The following UTRN variants were observed in gnomAD, a reference collection of about 807,000 sequenced individuals.
The protein encoded by UTRN is utrophin, also known as dystrophin-related protein 1.
A neutral mutation model predicts 463.9 loss-of-function variants in UTRN; 283 were observed. The observed-to-expected ratio is 0.61, with a 90% CI of 0.55 to 0.67. The LOEUF is 0.67. UTRN is among the 30% of genes least tolerant of loss of function. The pLI is 0.00. For synonymous variants in UTRN, 1,442 were observed against 1,431.5 expected, an observed-to-expected ratio of 1.01 and a Z score of -0.17; for missense variants, 3,922 against 4,084.3, an observed-to-expected ratio of 0.96 and a Z score of 1.08.
chr6:144,451,250 T>G, intron 17 of UTRN, 120 bp from the exon 18 acceptor site: 2 of 1,174,300 alleles, frequency 1.7e-6, no homozygotes, highest in Non-Finnish European at 2.3e-6. Flanking sequence ...TCTGGGTTGC[T>G]GTTTTTGGGG....
At chr6:144,320,797 G>A (rs986532867) in intron 2 of UTRN, among the ~76,000 whole-genome samples, 16 of 152,222 alleles carry the variant, frequency 1.1e-4, no homozygotes, top group African/African-American at 3.9e-4. Context: ...GGTTGAAGAT[G>A]AACTAGCATG....
rs188003887 is a variant in UTRN at position 144,667,138 on chromosome 6, T to G, written c.7480-11268T>G. ...GGCACCATCTCAGCTCACTGCAGCC[T>G]TTGCCTCCAGGGCTCAAGTGATTCT... is the stretch of plus-strand genomic sequence containing the variant. On this transcript the variant is annotated intron_variant, in intron 51 of 74. Coordinates refer to ENST00000367545, the MANE Select transcript of UTRN (RefSeq NM_007124.3). Among the ~76,000 whole-genome samples, 31 of 152,224 alleles carry G rather than the reference T, an allele frequency of 2.0e-4. 1 individual carries two copies. The highest frequency in any genetic ancestry group is 1.4e-3 in the Admixed American group (21 of 15,282).
intron 51 of UTRN, among the ~76,000 whole-genome samples, chr6:144,626,675 G>C (rs117803119): frequency 0.011 from 1,704 of 152,166 alleles, 10 homozygotes; most frequent in Non-Finnish European, 0.019. Context: ...GTCTCGCTCT[G>C]TCGCCCAGGC....
chr6:144,574,000 A>G (rs142468269), intron 50 of UTRN, among the ~76,000 whole-genome samples: 69 of 152,358 alleles, frequency 4.5e-4, no homozygotes, highest in Non-Finnish European at 7.3e-4. Context: ...ATATTCTGGA[A>G]GAGGTAGTCC....
intron 15 of UTRN, 119 bp downstream of exon 15, chr6:144,447,437 G>A (rs932203159): frequency 7.1e-6 from 9 of 1,269,142 alleles, no homozygotes; most frequent in Middle Eastern, 1.9e-4. Context: ...GCATTAGACT[G>A]CTGCCCTGTA....
At position 144,554,776 on chromosome 6, in the gene UTRN, T is replaced by A. The variant is rs769396367; in HGVS notation, c.7017T>A (p.Leu2339=). The A allele has an allele frequency of 1.2e-6, 2 of 1,613,934 alleles. No individual in the cohort carries two copies. The highest frequency in any genetic ancestry group is 3.3e-5 in the Admixed American group (2 of 59,994). Residue 2339 remains leucine (L), a synonymous_variant, in exon 49 of 75, where the codon CTT becomes CTA. Coordinates refer to ENST00000367545, the MANE Select transcript of UTRN (RefSeq NM_007124.3). ...TTGAGGACATGATTATTGACAGTCTTCAGTGGGATGACCATAGGGAGGAGA... is the reference window on the plus strand; with the variant it reads ...TTGAGGACATGATTATTGACAGTCTACAGTGGGATGACCATAGGGAGGAGA... ...QQLEDMIIDS[L]QWDDHREETE... is the part of the protein sequence containing the mutation.
rs1554339291 is a variant in UTRN, at chr6:144,690,074, G to GTTTTTTTTT, written c.7653-9999_7653-9991dup. The stretch of plus-strand genomic sequence containing the variant: ...GGCCATAGAGCTCCCAAAAGTTTCT[G>GTTTTTTTTT]TTTTTTTTTTTTTTTTTTTTTTGTG... On this transcript the variant is annotated intron_variant, in intron 52 of 74. Coordinates refer to ENST00000367545, the MANE Select transcript of UTRN (RefSeq NM_007124.3). 1.1e-3 allele frequency among the ~76,000 whole-genome samples: 35 copies of GTTTTTTTTT among 31,278 alleles called. 13 individuals are homozygous for GTTTTTTTTT. The highest frequency in any genetic ancestry group is 6.8e-3 in the East Asian group (3 of 444). The allele number at this position is 31,278 out of a possible 152,430, so 20.5% of individuals were successfully genotyped here. A position where few individuals can be genotyped will look rare whatever the true frequency, so the allele number is the denominator to read the frequency against.
chr6:144,300,610 A>G (rs1805151085), intron 2 of UTRN, among the ~76,000 whole-genome samples: 1 of 152,178 alleles, frequency 6.6e-6, no homozygotes, highest in African/African-American at 2.4e-5. Context: ...GCTTCTTTGT[A>G]TATCATTGTG....
intron 2 of UTRN, among the ~76,000 whole-genome samples, chr6:144,373,620 T>C (rs1254243859): frequency 1.3e-5 from 2 of 152,198 alleles, no homozygotes; most frequent in Non-Finnish European, 1.5e-5. Context: ...GTGCATACAG[T>C]AAAAAACCAC....
At chr6:144,511,587 T>C (rs1408889242) in intron 35 of UTRN, among the ~76,000 whole-genome samples, 1 of 152,234 alleles carries the variant, frequency 6.6e-6, no homozygotes, top group Non-Finnish European at 1.5e-5. Flanking sequence ...GTTGTTTAAT[T>C]TGTAAAATGG....
intron 2 of UTRN, among the ~76,000 whole-genome samples, chr6:144,343,546 G>GA (rs1183869867): frequency 2.7e-5 from 4 of 149,686 alleles, no homozygotes; most frequent in South Asian, 4.2e-4. Context: ...GGTGACGAGT[G>GA]AAAAAAAAAT....
chr6:144,782,538 T>C (rs1293710265), intron 61 of UTRN, among the ~76,000 whole-genome samples: 1 of 152,194 alleles, frequency 6.6e-6, no homozygotes, highest in Non-Finnish European at 1.5e-5. Flanking sequence ...CTACAATCTT[T>C]GTAATCCAAC....
rs989525747 is a variant in UTRN, at chr6:144,483,015, G to T, written c.3687+627G>T. Among the ~76,000 whole-genome samples, 33 of 152,134 alleles carry T rather than the reference G, an allele frequency of 2.2e-4. 1 individual carries two copies. Among genetic ancestry groups the T allele is most frequent in the Admixed American group, 1.6e-3 (24 of 15,272 alleles). ...AGTAGTATGACTTTTGTTATTGCTT[G>T]TTGGAAGATTTAAGAAGGCTTTCAA... is the stretch of plus-strand genomic sequence containing the variant. On this transcript the variant is annotated intron_variant, in intron 27 of 74. Transcript: ENST00000367545.
chr6:144,484,596 C>T (rs113562265), intron 27 of UTRN, among the ~76,000 whole-genome samples: 11 of 151,772 alleles, frequency 7.2e-5, no homozygotes, highest in African/African-American at 2.7e-4. Flanking sequence ...GTGCCTGCCA[C>T]CATGCCCAGC....
intron 60 of UTRN, among the ~76,000 whole-genome samples, chr6:144,779,066 A>G (rs1292556302): frequency 2.0e-5 from 3 of 152,210 alleles, no homozygotes; most frequent in Non-Finnish European, 2.9e-5. Flanking sequence ...TACAGAGTGT[A>G]TAACCAGGGA....
intron 51 of UTRN, among the ~76,000 whole-genome samples, chr6:144,675,952 A>C (rs1177686799): frequency 6.6e-6 from 1 of 152,194 alleles, no homozygotes; most frequent in Non-Finnish European, 1.5e-5. Context: ...ATAGATTGCC[A>C]AATGTTTCCC....
chr6:144,814,633 A>G (rs1468219507), intron 65 of UTRN, among the ~76,000 whole-genome samples: 1 of 152,250 alleles, frequency 6.6e-6, no homozygotes, highest in African/African-American at 2.4e-5. Flanking sequence ...ACAAAATTAT[A>G]TCACTACAAA....
At chr6:144,720,730 C>G (rs546406299) in intron 53 of UTRN, among the ~76,000 whole-genome samples, 1 of 152,130 alleles carries the variant, frequency 6.6e-6, no homozygotes, top group African/African-American at 2.4e-5. Flanking sequence ...AAGCTAGTTA[C>G]AATTTTTTTT....
intron 3 of UTRN, among the ~76,000 whole-genome samples, chr6:144,414,683 A>G (rs1784215878): frequency 6.6e-6 from 1 of 150,842 alleles, no homozygotes; most frequent in South Asian, 2.1e-4. Flanking sequence ...CGCACCATTC[A>G]TGTTAAGTGT....
Sources: allele counts gnomAD v4.1 joint callset (sites outside exome capture counted in the v4.1 genomes callset), GRCh38; gene constraint gnomAD v4.1.1; transcripts MANE v1.5; gene names NCBI Gene and HGNC (gene_info 2026-07-23, HGNC 2026-07-21).